Variants in PRKCA observed in about 807,000 individuals in gnomAD.
PRKCA encodes protein kinase C alpha type.
PRKCA carries 27 observed loss-of-function variants against 87.0 expected under a neutral mutation model. That is an observed-to-expected ratio of 0.31 (90% CI 0.23 to 0.43). The LOEUF (loss-of-function observed/expected upper bound fraction) is 0.43. Ranked by LOEUF, PRKCA falls within the 20% of genes least tolerant of loss-of-function variation. The probability of loss-of-function intolerance (pLI) is 1.00; values close to 1 mark genes in which losing one functional copy is unlikely to be tolerated. For synonymous variants in PRKCA, 329 were observed against 311.1 expected, an observed-to-expected ratio of 1.06 and a Z score of -0.61; for missense variants, 518 against 852.3, an observed-to-expected ratio of 0.61 and a Z score of 4.88.
At chr17:66,773,951 A>C (rs764055335) in intron 13 of PRKCA, 36 bp from the exon 14 acceptor site, 1 of 1,612,952 alleles carries the variant, frequency 6.2e-7, no homozygotes, top group Non-Finnish European at 8.5e-7. Context: ...TATTGGACTT[A>C]CCACTAATGT....
At chr17:66,708,716 C>G (rs1436087728) in intron 8 of PRKCA, among the ~76,000 whole-genome samples, 1 of 152,084 alleles carries the variant, frequency 6.6e-6, no homozygotes, top group Non-Finnish European at 1.5e-5. Flanking sequence ...GTACCCTATG[C>G]CTATAGATAT....
intron 2 of PRKCA, among the ~76,000 whole-genome samples, chr17:66,314,897 GTGTGTA>G (rs1329352158): frequency 4.0e-5 from 6 of 151,414 alleles, no homozygotes; most frequent in African/African-American, 9.7e-5. Flanking sequence ...GTGTGTGTGT[GTGTGTA>G]TGTATGTATG....
In PRKCA at chr17:66,407,644, G is replaced by A. The variant is rs73333317; in HGVS notation, c.206-88557G>A. On this transcript the variant is annotated intron_variant, in intron 2 of 16. Coordinates refer to ENST00000413366, the MANE Select transcript of PRKCA (RefSeq NM_002737.3). ...GGAATTGTGCTAGACTGAAAATATA[G>A]TTTGTATATGCACATTTGAAGTTCA... Among the ~76,000 whole-genome samples, 418 of 151,920 alleles carry A rather than the reference G, an allele frequency of 2.8e-3. 4 individuals are homozygous for A. Among genetic ancestry groups the A allele is most frequent in the African/African-American group, 9.5e-3 (394 of 41,386 alleles).
intron 5 of PRKCA, among the ~76,000 whole-genome samples, chr17:66,651,127 A>AG (rs1364193190): frequency 1.3e-5 from 2 of 152,148 alleles, no homozygotes; most frequent in African/African-American, 2.4e-5. Context: ...CAGGGAAGGA[A>AG]GAAGAGGGCA....
rs747039638 is a variant in PRKCA, at chr17:66,302,901, C to T, written c.50C>T (p.Ala17Val). The change falls in exon 1 of 17, where the codon GCC becomes GTC. Residue 17 changes from alanine to valine, a missense_variant. Around this residue, in one of 5 missense-constraint regions of PRKCA, gnomAD observed 33 missense variants for 34.1 expected, o/e 0.97. Coordinates refer to ENST00000413366, the MANE Select transcript of PRKCA (RefSeq NM_002737.3). ...GNDSTASQDVANRFARKGALR... is the reference protein window; with the variant it reads ...GNDSTASQDVVNRFARKGALR... Reference sequence around the variant, plus strand: ...GACTCCACGGCGTCTCAGGACGTGGCCAACCGCTTCGCCCGCAAAGGGGCG... The same window carrying T: ...GACTCCACGGCGTCTCAGGACGTGGTCAACCGCTTCGCCCGCAAAGGGGCG... 2 of 1,607,834 alleles carry T rather than the reference C, an allele frequency of 1.2e-6. No homozygotes were observed. The highest frequency in any genetic ancestry group is 3.3e-5 in the Admixed American group (2 of 59,762).
In PRKCA at chr17:66,807,398, T is replaced by C. The variant is rs1976056066; in HGVS notation, c.*3361T>C. The C allele has an allele frequency of 6.6e-6, 1 of 152,248 alleles. No individual in the cohort carries two copies. Among genetic ancestry groups the C allele is most frequent in the Non-Finnish European group, 1.5e-5 (1 of 68,054 alleles). 9.4% of individuals were successfully genotyped at this position (152,248 alleles called of 1,614,324 possible). A position where few individuals can be genotyped will look rare whatever the true frequency, so the allele number is the denominator to read the frequency against. On this transcript the variant is annotated 3_prime_UTR_variant, in exon 17 of 17. Coordinates refer to ENST00000413366, the MANE Select transcript of PRKCA (RefSeq NM_002737.3). The surrounding 1 kb of genome is among the most constrained non-coding windows in gnomAD (Gnocchi z 4.3). Reference sequence around the variant, plus strand: ...CGTCTCTTGGCATTTCAATTGAAGGTCACCAGGTGCTGGGTTTGAAAGGAA... The same window carrying C: ...CGTCTCTTGGCATTTCAATTGAAGGCCACCAGGTGCTGGGTTTGAAAGGAA...
intron 5 of PRKCA, among the ~76,000 whole-genome samples, chr17:66,657,751 C>A (rs1971776156): frequency 2.0e-5 from 3 of 152,148 alleles, no homozygotes; most frequent in African/African-American, 7.2e-5. Flanking sequence ...TACCCAACCT[C>A]TCTGAAAGAC....
intron 3 of PRKCA, among the ~76,000 whole-genome samples, chr17:66,554,956 T>G (rs966400097): frequency 6.6e-6 from 1 of 150,880 alleles, no homozygotes; most frequent in Non-Finnish European, 1.5e-5. Flanking sequence ...CTCAGCTCAC[T>G]GCAACCTCTG....
intron 3 of PRKCA, among the ~76,000 whole-genome samples, chr17:66,593,106 A>G (rs768934641): frequency 4.0e-4 from 61 of 152,370 alleles, no homozygotes; most frequent in Admixed American, 2.5e-3. Flanking sequence ...ATTTTATTAA[A>G]TAAAGAAACA....
At chr17:66,771,954 G>A (rs1427590154) in intron 13 of PRKCA, among the ~76,000 whole-genome samples, 1 of 152,088 alleles carries the variant, frequency 6.6e-6, no homozygotes, top group Non-Finnish European at 1.5e-5. Context: ...AGCATGCATG[G>A]CTTCTGGAAT....
chr17:66,331,530 G>A (rs1273747043), intron 2 of PRKCA, among the ~76,000 whole-genome samples: 2 of 152,038 alleles, frequency 1.3e-5, no homozygotes, highest in Non-Finnish European at 2.9e-5. Context: ...ATTGTGAGTC[G>A]GTACCGGGAC....
At chr17:66,329,588 T>A (rs1344612186) in intron 2 of PRKCA, among the ~76,000 whole-genome samples, 2 of 152,170 alleles carry the variant, frequency 1.3e-5, no homozygotes, top group African/African-American at 4.8e-5. Flanking sequence ...GGGCAGGGTT[T>A]GCCCAGAGAG....
intron 3 of PRKCA, among the ~76,000 whole-genome samples, chr17:66,628,927 G>T (rs1245402594): frequency 6.6e-6 from 1 of 152,238 alleles, no homozygotes; most frequent in Non-Finnish European, 1.5e-5. Context: ...TACTCGGGAG[G>T]CTGAGGCAGG....
intron 13 of PRKCA, among the ~76,000 whole-genome samples, chr17:66,769,627 AGT>A (rs1185862643): frequency 6.6e-6 from 1 of 152,176 alleles, no homozygotes; most frequent in Admixed American, 6.5e-5. Context: ...AGCATCACAG[AGT>A]GTGTTTTTCT....
chr17:66,684,784 TA>T, intron 5 of PRKCA, among the ~76,000 whole-genome samples: 1 of 152,340 alleles, frequency 6.6e-6, no homozygotes, highest in Non-Finnish European at 1.5e-5. Flanking sequence ...GTGACCTTAA[TA>T]AGGGTCTTCT....
chr17:66,339,376 C>G (rs1281144683), intron 2 of PRKCA, among the ~76,000 whole-genome samples: 2 of 152,146 alleles, frequency 1.3e-5, no homozygotes, highest in Non-Finnish European at 2.9e-5. Context: ...GAACTCTTCA[C>G]TAAAATCTCA....
intron 3 of PRKCA, among the ~76,000 whole-genome samples, chr17:66,604,735 A>G (rs1312449258): frequency 6.6e-6 from 1 of 152,226 alleles, no homozygotes; most frequent in Non-Finnish European, 1.5e-5. Flanking sequence ...GTCCAAATTT[A>G]TCTTCTGTGT....
intron 16 of PRKCA, among the ~76,000 whole-genome samples, chr17:66,797,116 C>G (rs1036495062): frequency 6.6e-6 from 1 of 152,126 alleles, no homozygotes; most frequent in Non-Finnish European, 1.5e-5. Context: ...GAGACCAACA[C>G]GTGTATTGCT....
rs571376548 is a variant in PRKCA at position 66,806,358 on chromosome 17, C to A, written c.*2321C>A. The A allele has an allele frequency of 6.6e-6, 1 of 152,294 alleles. No homozygotes were observed. Among genetic ancestry groups the A allele is most frequent in the East Asian group, 1.9e-4 (1 of 5,168 alleles). 9.4% of individuals were successfully genotyped at this position (152,294 alleles called of 1,614,324 possible). ...GGGAACGGGCCCGGCCAGAAAAGAACCATTTCTTCTGCCATCTTTTATGCA... is the reference window on the plus strand; with the variant it reads ...GGGAACGGGCCCGGCCAGAAAAGAAACATTTCTTCTGCCATCTTTTATGCA... On this transcript the variant is annotated 3_prime_UTR_variant, in exon 17 of 17. Coordinates refer to ENST00000413366, the MANE Select transcript of PRKCA (RefSeq NM_002737.3).
Sources: gnomAD v4.1 joint callset for allele counts (sites outside exome capture counted in the v4.1 genomes callset) on GRCh38, gnomAD v4.1.1 for gene constraint, gnomAD v4.1.1 regional missense constraint, Gnocchi (gnomAD v3.1) non-coding constraint, MANE v1.5 for transcripts, NCBI Gene and HGNC (gene_info 2026-07-23, HGNC 2026-07-21) for gene names.